Variants in FAM83A observed in about 807,000 individuals in gnomAD.
The protein encoded by FAM83A is protein FAM83A.
In FAM83A, 21 loss-of-function variants were observed where a neutral mutation model predicts 24.4. The observed-to-expected ratio is 0.86, with a 90% CI of 0.61 to 1.24. The LOEUF is 1.24. Among genes scored for constraint, FAM83A ranks in the 50% most tolerant of loss-of-function variants. The pLI is 0.00. For missense variants in FAM83A, 617 were observed against 579.8 expected (o/e 1.06, Z -0.66); for synonymous variants, 270 against 252.4 (o/e 1.07, Z -0.66).
upstream of FAM83A, chr8:123,181,751 G>A: frequency 3.3e-6 from 1 of 300,520 alleles, no homozygotes; most frequent in Admixed American, 3.9e-5. Flanking sequence ...GTCCACAGCA[G>A]TGGCCTGCTC....
At chr8:123,207,507 C>T (rs745430999) in exon 4 of FAM83A, 51 of 1,577,562 alleles carry the variant, frequency 3.2e-5, no homozygotes, top group Admixed American at 1.7e-5. Context: ...CACCAAGGCC[C>T]TTGGGGAGCC....
upstream of FAM83A, chr8:123,182,113 C>A (rs535539369): frequency 4.4e-6 from 2 of 456,226 alleles, no homozygotes; most frequent in South Asian, 3.1e-5. Context: ...CCACTTCCAG[C>A]GAGGAAGCGT....
At chr8:123,206,629 A>G (rs1374475089) in intron 3 of FAM83A, among the ~76,000 whole-genome samples, 3 of 152,164 alleles carry the variant, frequency 2.0e-5, no homozygotes, top group African/African-American at 7.2e-5. Flanking sequence ...AGGGGCTGCA[A>G]TCTGAGCACC....
At chr8:123,203,173 A>C (rs1387394296) in intron 3 of FAM83A, among the ~76,000 whole-genome samples, 3 of 152,194 alleles carry the variant, frequency 2.0e-5, no homozygotes, top group African/African-American at 2.4e-5. Flanking sequence ...TGTTGAAAAT[A>C]AACTAAAACT....
intron 3 of FAM83A, chr8:123,201,646 G>C (rs1218694913): frequency 6.6e-6 from 1 of 152,170 alleles, no homozygotes; most frequent in Non-Finnish European, 1.5e-5. Context: ...CCCGCTACCT[G>C]GGGGCTTCAG....
At chr8:123,208,524 C>T (rs1448651825) in exon 4 of FAM83A, 1 of 985,412 alleles carries the variant, frequency 1.0e-6, no homozygotes, top group African/African-American at 1.7e-5. Context: ...GCTCAGCTGT[C>T]CCCAGATCCA....
At chr8:123,204,598 T>TA (rs57568339) in intron 3 of FAM83A, among the ~76,000 whole-genome samples, 10,800 of 150,468 alleles carry the variant, frequency 0.072, 1,116 homozygotes, top group African/African-American at 0.23. Flanking sequence ...CCGTCTCTAC[T>TA]AAAATACAAA....
chr8:123,183,819 T>G (rs1425961406), intron 1 of FAM83A, among the ~76,000 whole-genome samples: 2 of 151,834 alleles, frequency 1.3e-5, no homozygotes, highest in Non-Finnish European at 2.9e-5. Context: ...CTTCAGCCTC[T>G]TGAGTAGCTG....
At chr8:123,182,570 G>A (rs995567440), upstream of FAM83A, 16 of 625,582 alleles carry the variant, frequency 2.6e-5, no homozygotes, top group African/African-American at 2.7e-4. Flanking sequence ...ATATCCCATG[G>A]CTGACTGTGC....
intron 3 of FAM83A, among the ~76,000 whole-genome samples, chr8:123,200,571 C>A (rs1824315541): frequency 6.6e-6 from 1 of 152,136 alleles, no homozygotes; most frequent in South Asian, 2.1e-4. Flanking sequence ...AATCCCAACA[C>A]TTTGGGAGGC....
At chr8:123,191,140 G>A (rs1450534020) in intron 1 of FAM83A, among the ~76,000 whole-genome samples, 3 of 152,144 alleles carry the variant, frequency 2.0e-5, no homozygotes, top group Non-Finnish European at 4.4e-5. Flanking sequence ...AGTCAGATTG[G>A]GATGCTGTTG....
chr8:123,207,330 A>G (rs1449680979), exon 4 of FAM83A: 7 of 1,611,180 alleles, frequency 4.3e-6, no homozygotes, highest in Admixed American at 1.7e-5. Flanking sequence ...GCCCCGGCCA[A>G]TGGCCGCCTT....
chr8:123,183,144 C>T lies in FAM83A; in HGVS notation c.288C>T (p.Asp96=), dbSNP rs763973739. 29 of 1,613,728 alleles carry T rather than the reference C, an allele frequency of 1.8e-5. No individual in the cohort carries two copies. In the Admixed American group the frequency reaches 4.8e-4, roughly 27 times the overall value. Reference sequence around the variant, plus strand: ...CGGAAGCAGGCCCTAAGGGACTGGACTCCAGCTCCCTACAGTCCGGCACCT... The same window carrying T: ...CGGAAGCAGGCCCTAAGGGACTGGATTCCAGCTCCCTACAGTCCGGCACCT... The change falls in exon 1 of 4, where the codon GAC becomes GAT. Residue 96 remains aspartate, a synonymous_variant. Coordinates refer to ENST00000690554, the Ensembl canonical transcript of FAM83A.
rs1824657559 is a variant in FAM83A at position 123,209,257 on chromosome 8, C to T, written c.*1569C>T. 1 of 1,275,514 alleles carries T rather than the reference C, an allele frequency of 7.8e-7. No individual in the cohort carries two copies. The highest frequency in any genetic ancestry group is 2.7e-5 in the South Asian group (1 of 37,654). The allele number at this position is 1,275,514 out of a possible 1,614,324, so 79.0% of individuals were successfully genotyped here. ...AGCTCTTCCTCCTGGTGGCCTCTGA[C>T]CCCTGACGGCCTGTGGCATCCTCCC... On this transcript the variant is annotated 3_prime_UTR_variant, in exon 4 of 4. Transcript: ENST00000690554. This position sits in a 1 kb window ranked among gnomAD's most constrained non-coding sequence, Gnocchi z 4.7.
chr8:123,182,608 G>C (rs992745137), upstream of FAM83A: 31 of 691,566 alleles, frequency 4.5e-5, no homozygotes, highest in Admixed American at 1.2e-4. Flanking sequence ...CAGCCCTCCC[G>C]GCCCGAGGGC....
intron 1 of FAM83A, among the ~76,000 whole-genome samples, chr8:123,185,834 A>T (rs1397979482): frequency 6.6e-6 from 1 of 152,250 alleles, no homozygotes; most frequent in Non-Finnish European, 1.5e-5. Flanking sequence ...TCTGTCGCCC[A>T]GGCTGGAGTG....
chr8:123,186,885 C>T (rs543092163), intron 1 of FAM83A, among the ~76,000 whole-genome samples: 20 of 152,288 alleles, frequency 1.3e-4, no homozygotes, highest in African/African-American at 1.9e-4. Context: ...ACACCCAGGA[C>T]GGCAGAGTGG....
intron 1 of FAM83A, among the ~76,000 whole-genome samples, chr8:123,189,343 C>T (rs934579403): frequency 1.2e-4 from 19 of 152,182 alleles, no homozygotes; most frequent in African/African-American, 4.6e-4. Context: ...GTTTGGCCTG[C>T]CAGTAAGACA....
chr8:123,200,593 G>C (rs1012496673), intron 3 of FAM83A, among the ~76,000 whole-genome samples: 9 of 151,948 alleles, frequency 5.9e-5, no homozygotes, highest in African/African-American at 2.2e-4. Flanking sequence ...GAGCGGGGTG[G>C]GTCACTTGAG....
Sources: allele counts gnomAD v4.1 joint callset (sites outside exome capture counted in the v4.1 genomes callset), GRCh38; gene constraint gnomAD v4.1.1; non-coding constraint Gnocchi (gnomAD v3.1); transcripts MANE v1.5; gene names NCBI Gene and HGNC (gene_info 2026-07-23, HGNC 2026-07-21).